RAD52: variants seen among roughly 807,000 people sequenced by gnomAD.
RAD52 encodes the protein RAD52 DNA repair protein.
Under a neutral mutation model 55.5 loss-of-function variants are expected in RAD52, and 47 were observed. The observed-to-expected ratio is 0.85, with a 90% CI of 0.67 to 1.08. The LOEUF is 1.08. Among genes scored for constraint, RAD52 ranks in the 50% least tolerant of loss-of-function variants. RAD52 has a pLI of 0.00. For missense variants in RAD52, 468 were observed against 522.8 expected, an observed-to-expected ratio of 0.90 and a Z score of 1.02; for synonymous variants, 184 against 198.9, an observed-to-expected ratio of 0.92 and a Z score of 0.63.
At chr12:967,156 A>G (rs1372831941) in intron 1 of RAD52, among the ~76,000 whole-genome samples, 1 of 152,078 alleles carries the variant, frequency 6.6e-6, no homozygotes, top group Non-Finnish European at 1.5e-5. Context: ...AGGTGGGCAG[A>G]TCATTTAAGG....
intron 1 of RAD52, among the ~76,000 whole-genome samples, chr12:967,802 G>T (rs1389448425): frequency 6.6e-6 from 1 of 151,960 alleles, no homozygotes; most frequent in East Asian, 1.9e-4. Flanking sequence ...TGGGTGTGGT[G>T]GTACACGTCT....
chr12:960,526 G>A (rs568540054), intron 1 of RAD52, among the ~76,000 whole-genome samples: 15 of 152,256 alleles, frequency 9.9e-5, no homozygotes, highest in Non-Finnish European at 2.1e-4. Flanking sequence ...AGCTGCACTC[G>A]ATCATAGCAA....
upstream of RAD52, chr12:990,934 C>CGTGTGTGTGTGTGTGTGTGTGT (rs758442595): frequency 1.2e-3 from 124 of 99,400 alleles, no homozygotes; most frequent in African/African-American, 3.5e-3. Flanking sequence ...CCGCAGGGGT[C>CGTGTGTGTGTGTGTGTGTGTGT]GTGTGTGTGT....
intron 1 of RAD52, among the ~76,000 whole-genome samples, chr12:963,068 A>G (rs1958709750): frequency 6.6e-6 from 1 of 152,136 alleles, no homozygotes. Context: ...TTCTTACTAG[A>G]TTTAAGGAGT....
chr12:962,497 G>T (rs1247673009), intron 1 of RAD52, among the ~76,000 whole-genome samples: 1 of 150,874 alleles, frequency 6.6e-6, no homozygotes, highest in African/African-American at 2.4e-5. Context: ...CCGCCACCAC[G>T]CCTGGCTAAT....
intron 1 of RAD52, among the ~76,000 whole-genome samples, chr12:960,467 G>C (rs988664747): frequency 6.6e-6 from 1 of 152,142 alleles, no homozygotes; most frequent in African/African-American, 2.4e-5. Flanking sequence ...AAGAAATGGA[G>C]AGGTCTGATT....
intron 1 of RAD52, among the ~76,000 whole-genome samples, chr12:966,865 C>T (rs917886917): frequency 1.3e-5 from 2 of 151,750 alleles, no homozygotes; most frequent in Admixed American, 6.6e-5. Flanking sequence ...CTCCTTTGAA[C>T]GCGTAGATAT....
At position 916,480 on chromosome 12, in the gene RAD52, G is replaced by A. The variant is rs1377691522; in HGVS notation, c.729C>T (p.Ser243=). The A allele has an allele frequency of 1.2e-6, 2 of 1,607,706 alleles. No individual in the cohort carries two copies. Among genetic ancestry groups the A allele is most frequent in the East Asian group, 4.5e-5 (2 of 44,834 alleles). The change falls in exon 9 of 12, where the codon AGC becomes AGT. Residue 243 remains serine, a synonymous_variant. Coordinates refer to ENST00000358495, the MANE Select transcript of RAD52 (RefSeq NM_134424.4). The part of the protein sequence containing the change: ...IPADQDCSSR[S]LSSSAVESEA... ...CGCTCTCCACGGCGGATGAGCTCAGGCTTCTGCATGAGAGGGCGGCGGCGA... is the reference window on the plus strand; with the variant it reads ...CGCTCTCCACGGCGGATGAGCTCAGACTTCTGCATGAGAGGGCGGCGGCGA...
intron 1 of RAD52, among the ~76,000 whole-genome samples, chr12:939,960 A>G (rs1387731272): frequency 1.3e-5 from 2 of 152,110 alleles, no homozygotes; most frequent in African/African-American, 4.8e-5. Flanking sequence ...CTGTAATCCC[A>G]GCTATTCGGG....
chr12:942,187 A>G (rs987041432), intron 1 of RAD52, among the ~76,000 whole-genome samples: 1 of 152,204 alleles, frequency 6.6e-6, no homozygotes. Flanking sequence ...CTACAACTAC[A>G]TGACTTCAAG....
chr12:931,375 T>C (rs1393717036), intron 2 of RAD52, 54 bp from the exon 3 acceptor site: 3 of 1,331,996 alleles, frequency 2.3e-6, no homozygotes, highest in East Asian at 2.5e-5. Flanking sequence ...CCTCACATCA[T>C]TGAGTCTCCA....
At chr12:975,666 C>T (rs985451101) in intron 1 of RAD52, 4 of 152,182 alleles carry the variant, frequency 2.6e-5, no homozygotes, top group Middle Eastern at 3.2e-3. Context: ...GATACATCCT[C>T]CTGCTCCCAT....
intron 1 of RAD52, among the ~76,000 whole-genome samples, chr12:965,113 A>G (rs1241842985): frequency 6.6e-6 from 1 of 151,630 alleles, no homozygotes; most frequent in Non-Finnish European, 1.5e-5. Flanking sequence ...CCAAGTAGCT[A>G]GGAGTACAGG....
intron 1 of RAD52, among the ~76,000 whole-genome samples, chr12:966,463 A>G (rs1348390937): frequency 5.9e-5 from 9 of 152,096 alleles, no homozygotes; most frequent in African/African-American, 2.2e-4. Context: ...GGCTCCTGAT[A>G]ATACAAAAGT....
chr12:916,102 T>A, intron 9 of RAD52: 1 of 1,117,372 alleles, frequency 8.9e-7, no homozygotes, highest in Non-Finnish European at 1.2e-6. Flanking sequence ...GAAGATTTTA[T>A]CAAGGCCCAC....
rs1401418531 is a variant in RAD52, at chr12:975,201, T to TG, written c.-19+14607dup. 7.8e-4 allele frequency: 20 copies of TG among 25,536 alleles called. No homozygotes were observed. In the East Asian group the frequency reaches 0.052, roughly 66 times the overall value. The allele number at this position is 25,536 out of a possible 1,614,324, so 1.6% of individuals were successfully genotyped here. On this transcript the variant is annotated intron_variant, in intron 1 of 11. Coordinates refer to the RAD52 transcript ENST00000430095. ...ACTATCCATGGTTTCAATCATCCAC[T>TG]GGGAGGGGGGTCCTGGAACTACTGT...
intron 1 of RAD52, among the ~76,000 whole-genome samples, chr12:935,362 T>G (rs550982272): frequency 1.4e-5 from 2 of 147,396 alleles, no homozygotes; most frequent in African/African-American, 4.9e-5. Context: ...ACCAGCAGCA[T>G]CACCATCACC....
intron 1 of RAD52, among the ~76,000 whole-genome samples, chr12:936,611 G>A (rs548043014): frequency 1.6e-3 from 236 of 152,116 alleles, no homozygotes; most frequent in Admixed American, 3.1e-3. Flanking sequence ...TCCCACTGCG[G>A]CCTCCAGAGT....
chr12:952,127 T>TA (rs777598377), upstream of RAD52, among the ~76,000 whole-genome samples: 39 of 152,230 alleles, frequency 2.6e-4, no homozygotes, highest in Non-Finnish European at 4.4e-4. Flanking sequence ...CCCAGCTAAG[T>TA]AAAAAAACAT....
Sources: gnomAD v4.1 joint callset for allele counts (sites outside exome capture counted in the v4.1 genomes callset) on GRCh38, gnomAD v4.1.1 for gene constraint, MANE v1.5 for transcripts, NCBI Gene and HGNC (gene_info 2026-07-23, HGNC 2026-07-21) for gene names.